Variants in SMOC2 observed in about 807,000 individuals in gnomAD.
SMOC2 encodes the protein SPARC-related modular calcium-binding protein 2.
Under a neutral mutation model 61.4 loss-of-function variants are expected in SMOC2, and 39 were observed. The observed-to-expected ratio is 0.64, with a 90% confidence interval of 0.49 to 0.83. SMOC2 has a LOEUF of 0.83. Among genes scored for constraint, SMOC2 ranks in the 40% least tolerant of loss-of-function variants. The pLI is 0.00. For synonymous variants in SMOC2, 247 were observed against 239.9 expected, an observed-to-expected ratio of 1.03 and a Z score of -0.27; for missense variants, 556 against 592.9, an observed-to-expected ratio of 0.94 and a Z score of 0.65.
At chr6:168,600,520 G>A (rs1171751434) in intron 8 of SMOC2, among the ~76,000 whole-genome samples, 3 of 152,012 alleles carry the variant, frequency 2.0e-5, no homozygotes, top group Middle Eastern at 3.4e-3. Flanking sequence ...GTGGCAGCTG[G>A]GAAGCAGCAG....
intron 1 of SMOC2, among the ~76,000 whole-genome samples, chr6:168,458,262 G>T (rs987311112): frequency 6.0e-5 from 9 of 150,532 alleles, no homozygotes; most frequent in African/African-American, 2.2e-4. Flanking sequence ...CGGGGGCATC[G>T]TGCTGCCTGC....
intron 1 of SMOC2, among the ~76,000 whole-genome samples, chr6:168,456,291 G>A (rs966005143): frequency 6.6e-6 from 1 of 152,200 alleles, no homozygotes; most frequent in African/African-American, 2.4e-5. Context: ...CAAGAGCAAG[G>A]CTCTGGGTTT....
chr6:168,666,314 C>T, intron 12 of SMOC2, 107 bp from the exon 13 acceptor site: 4 of 1,309,754 alleles, frequency 3.1e-6, no homozygotes, highest in Non-Finnish European at 4.4e-6. Context: ...ATGACCTGCC[C>T]AGCCCTCTTT....
chr6:168,451,609 C>CTG (rs1391096630), intron 1 of SMOC2, among the ~76,000 whole-genome samples: 2 of 151,284 alleles, frequency 1.3e-5, no homozygotes, highest in Non-Finnish European at 2.9e-5. Context: ...GTCTCTCTCT[C>CTG]TCTCTCTCTC....
At chr6:168,629,110 G>T (rs564802891) in intron 9 of SMOC2, among the ~76,000 whole-genome samples, 1 of 152,272 alleles carries the variant, frequency 6.6e-6, no homozygotes, top group African/African-American at 2.4e-5. Flanking sequence ...AGGAGGCTTC[G>T]CAGTCACTGG....
chr6:168,558,896 TGTGTGTGCAC>T (rs1784319126), intron 7 of SMOC2, among the ~76,000 whole-genome samples: 1 of 151,902 alleles, frequency 6.6e-6, no homozygotes, highest in Non-Finnish European at 1.5e-5. Flanking sequence ...TGCGTGTGCA[TGTGTGTGCAC>T]GTGTGTATGT....
chr6:168,532,587 C>T lies in SMOC2; in HGVS notation c.463+4860C>T, dbSNP rs558516145. On this transcript the variant is annotated intron_variant, in intron 4 of 12. Coordinates refer to ENST00000356284, the MANE Select transcript of SMOC2 (RefSeq NM_001166412.2). Reference sequence around the variant, plus strand: ...TTTTAATCTCATCTCTCCTCTGTAACTGTGCACCCTGACCAAGAGCTGGTT... The same window carrying T: ...TTTTAATCTCATCTCTCCTCTGTAATTGTGCACCCTGACCAAGAGCTGGTT... Among the ~76,000 whole-genome samples, 3 of 152,318 alleles carry T rather than the reference C, an allele frequency of 2.0e-5. No individual in the cohort carries two copies. In the South Asian group the frequency reaches 6.2e-4, roughly 32 times the overall value.
chr6:168,555,725 C>A (rs1197233563), intron 7 of SMOC2, among the ~76,000 whole-genome samples: 1 of 152,202 alleles, frequency 6.6e-6, no homozygotes, highest in African/African-American at 2.4e-5. Flanking sequence ...AAAGACCTCC[C>A]AGCAGCCTGC....
chr6:168,465,328 A>G (rs903971756), intron 1 of SMOC2, among the ~76,000 whole-genome samples: 1 of 152,130 alleles, frequency 6.6e-6, no homozygotes, highest in Non-Finnish European at 1.5e-5. Flanking sequence ...TAAGCTCTAC[A>G]TGATAAGAGC....
At chr6:168,457,576 T>C (rs551391391) in intron 1 of SMOC2, among the ~76,000 whole-genome samples, 1 of 152,166 alleles carries the variant, frequency 6.6e-6, no homozygotes, top group African/African-American at 2.4e-5. Flanking sequence ...TCCCAGAACA[T>C]GAGCCCCGCG....
At chr6:168,451,601 C>CTCTG (rs1355613154) in intron 1 of SMOC2, among the ~76,000 whole-genome samples, 6 of 76,512 alleles carry the variant, frequency 7.8e-5, no homozygotes, top group Admixed American at 1.4e-4. Context: ...CTGTCTCTGT[C>CTCTG]TCTCTCTCTC....
At chr6:168,612,183 C>T (rs1421730589) in intron 9 of SMOC2, among the ~76,000 whole-genome samples, 1 of 151,042 alleles carries the variant, frequency 6.6e-6, no homozygotes, top group African/African-American at 2.4e-5. Context: ...CCAGCCTTTA[C>T]CTGAAGAGCA....
intron 1 of SMOC2, among the ~76,000 whole-genome samples, chr6:168,489,962 G>A (rs1782433029): frequency 1.3e-5 from 2 of 149,372 alleles, no homozygotes; most frequent in South Asian, 2.1e-4. Context: ...GGTCCTCTTG[G>A]ATCACACTGT....
chr6:168,552,884 G>GC (rs1554238861), intron 7 of SMOC2, among the ~76,000 whole-genome samples: 3 of 140,774 alleles, frequency 2.1e-5, no homozygotes, highest in Non-Finnish European at 4.5e-5. Flanking sequence ...ACCGAGGGTG[G>GC]CCCCTCACTG....
intron 9 of SMOC2, among the ~76,000 whole-genome samples, chr6:168,616,867 G>A (rs1034053250): frequency 3.9e-5 from 6 of 152,194 alleles, no homozygotes; most frequent in African/African-American, 1.2e-4. Flanking sequence ...TGTCTGTGGA[G>A]CATCCCGAGA....
chr6:168,450,639 C>G (rs1781439014), intron 1 of SMOC2, among the ~76,000 whole-genome samples: 1 of 152,114 alleles, frequency 6.6e-6, no homozygotes, highest in South Asian at 2.1e-4. Flanking sequence ...TGCTGCTTCC[C>G]CAGGATGTAA....
chr6:168,481,375 T>C (rs921192039), intron 1 of SMOC2, among the ~76,000 whole-genome samples: 1 of 151,922 alleles, frequency 6.6e-6, no homozygotes, highest in Non-Finnish European at 1.5e-5. Context: ...AATCGAAAGG[T>C]AGGAACAGAG....
chr6:168,519,723 C>T (rs1028762159), intron 2 of SMOC2, among the ~76,000 whole-genome samples: 2 of 152,150 alleles, frequency 1.3e-5, no homozygotes, highest in Non-Finnish European at 2.9e-5. Flanking sequence ...TTCTAGTCAG[C>T]CTTCCTGCAA....
chr6:168,613,058 C>T (rs965237005), intron 9 of SMOC2, among the ~76,000 whole-genome samples: 10 of 152,194 alleles, frequency 6.6e-5, no homozygotes, highest in Admixed American at 2.6e-4. Context: ...CAATCGTATT[C>T]GAATGAGCAG....
Sources: allele counts gnomAD v4.1 joint callset (sites outside exome capture counted in the v4.1 genomes callset), GRCh38; gene constraint gnomAD v4.1.1; transcripts MANE v1.5; gene names NCBI Gene and HGNC (gene_info 2026-07-23, HGNC 2026-07-21).